The following ADGRG4 variants were observed in gnomAD, a reference collection of about 807,000 sequenced individuals.
The protein encoded by ADGRG4 is G protein-coupled receptor 112.
ADGRG4 carries 122 observed loss-of-function variants against 126.2 expected under a neutral mutation model. That is an observed-to-expected ratio of 0.97 (90% CI 0.83 to 1.12). The LOEUF is 1.12. Ranked by LOEUF, ADGRG4 falls within the 50% of genes most tolerant of loss-of-function variation. The pLI is 0.00. For missense variants in ADGRG4, 2,481 were observed against 2,251.8 expected (o/e 1.10, Z -2.06); for synonymous variants, 943 against 838.7 (o/e 1.12, Z -2.15).
intron 15 of ADGRG4, among the ~76,000 whole-genome samples, chrX:136,383,813 C>CTTTCTTT (rs1382747820): frequency 1.7e-5 from 1 of 59,589 alleles, no homozygotes; most frequent in Non-Finnish European, 3.2e-5. Context: ...TATATATTTG[C>CTTTCTTT]CTTTCTTTCT....
rs1224604410 is a variant in ADGRG4 at position 136,347,245 on chromosome X, C to T, written c.3539C>T (p.Thr1180Ile). 5 of 1,209,416 alleles carry T rather than the reference C, an allele frequency of 4.1e-6. No homozygotes were observed. Among genetic ancestry groups the T allele is most frequent in the African/African-American group, 3.5e-5 (2 of 57,125 alleles). ...ATQPISQVEE[T>I]STYALSFPYT... ...CAACCAATATCTCAAGTAGAGGAGA[C>T]TTCTACCTATGCTCTCAGCTTCCCA... Residue 1180 changes from threonine (T) to isoleucine (I), a missense_variant, in exon 6 of 26, where the codon ACT becomes ATT. Physicochemically the swap from Thr to Ile is moderately conservative, Grantham distance 89. Coordinates refer to ENST00000394143, the MANE Select transcript of ADGRG4 (RefSeq NM_153834.4).
Position 136,348,986 on chromosome X carries a change from T to C in ADGRG4, c.5280T>C (p.His1760=). ...CACCTACTCATGCAGATAGTCTCCA[T>C]ACTTCCTTCAATATTCAGGTTTCCC... is the stretch of plus-strand genomic sequence containing the variant. The part of the protein sequence containing the change: ...MLSPTHADSL[H]TSFNIQVSPS... Residue 1760 remains histidine (H), a synonymous_variant, in exon 6 of 26, where the codon CAT becomes CAC. Transcript: ENST00000394143. 1 of 1,208,995 alleles carries C rather than the reference T, an allele frequency of 8.3e-7. No homozygotes were observed. Among genetic ancestry groups the C allele is most frequent in the Non-Finnish European group, 1.1e-6 (1 of 893,272 alleles).
At chrX:136,403,607 T>C (rs188480680) in intron 22 of ADGRG4, among the ~76,000 whole-genome samples, 1 of 112,348 alleles carries the variant, frequency 8.9e-6, no homozygotes, top group African/African-American at 3.2e-5. Flanking sequence ...ATATGATGTA[T>C]GAAATGTGCT....
At chrX:136,320,915 C>A (rs768072247) in intron 4 of ADGRG4, among the ~76,000 whole-genome samples, 1 of 110,656 alleles carries the variant, frequency 9.0e-6, no homozygotes, top group Non-Finnish European at 1.9e-5. Context: ...TGAGACCCCC[C>A]CTCTTAAAAC....
rs769196157 is a variant in ADGRG4, at chrX:136,323,347, C to T, written c.640C>T (p.Leu214Phe). 3 of 1,209,672 alleles carry T rather than the reference C, an allele frequency of 2.5e-6. No individual in the cohort carries two copies. In the East Asian group the frequency reaches 8.9e-5, roughly 36 times the overall value. Reference protein sequence around the residue: ...NIVSWEEDVWLVNKIIPTVDR... With the variant: ...NIVSWEEDVWFVNKIIPTVDR... The stretch of plus-strand genomic sequence containing the variant: ...AGTTAGTTGGGAAGAAGACGTCTGG[C>T]TTGTCAACAAGATCATCCCAACTGT... The change falls in exon 5 of 26, where the codon CTT becomes TTT. Residue 214 changes from leucine to phenylalanine, a missense_variant. Coordinates refer to ENST00000394143, the MANE Select transcript of ADGRG4 (RefSeq NM_153834.4).
intron 13 of ADGRG4, among the ~76,000 whole-genome samples, chrX:136,371,103 G>A (rs898578546): frequency 8.9e-5 from 10 of 111,792 alleles, no homozygotes; most frequent in Non-Finnish European, 1.7e-4. Flanking sequence ...TTTGAAAAAG[G>A]ATTTAATGAA....
chrX:136,353,266 T>C lies in ADGRG4; in HGVS notation c.6823-71T>C, dbSNP rs2075073986. The C allele has an allele frequency of 1.5e-5, 10 of 684,671 alleles. No homozygotes were observed. The Admixed American group carries it at 2.3e-4, about 16-fold the overall frequency. The allele number at this position is 684,671 out of a possible 1,213,427, so 56.4% of individuals were successfully genotyped here. A position where few individuals can be genotyped will look rare whatever the true frequency, so the allele number is the denominator to read the frequency against. On this transcript the variant is annotated intron_variant, in intron 7 of 25. Coordinates refer to ENST00000394143, the MANE Select transcript of ADGRG4 (RefSeq NM_153834.4). Reference sequence around the variant, plus strand: ...TGAGTGCAGCTTAATGATCACACCATCCCAAGTGATTTTGCTGAGTTAAAC... The same window carrying C: ...TGAGTGCAGCTTAATGATCACACCACCCCAAGTGATTTTGCTGAGTTAAAC...
At chrX:136,326,080 A>T (rs759626060) in intron 5 of ADGRG4, among the ~76,000 whole-genome samples, 5 of 112,226 alleles carry the variant, frequency 4.5e-5, no homozygotes, top group African/African-American at 1.6e-4. Flanking sequence ...ATAATGCACA[A>T]TCTAACGTAA....
chrX:136,387,980 G>T, intron 16 of ADGRG4, 106 bp downstream of exon 16: 2 of 758,120 alleles, frequency 2.6e-6, no homozygotes, highest in Non-Finnish European at 1.9e-6. Context: ...AGAATATGCT[G>T]ATTGATTCCA....
At chrX:136,407,842 T>G (rs940891759) in intron 23 of ADGRG4, among the ~76,000 whole-genome samples, 1 of 111,772 alleles carries the variant, frequency 8.9e-6, no homozygotes, top group Non-Finnish European at 1.9e-5. Flanking sequence ...CTGGTGATGG[T>G]TCTACACTTT....
intron 5 of ADGRG4, among the ~76,000 whole-genome samples, chrX:136,331,473 C>CA (rs2074909599): frequency 8.9e-6 from 1 of 112,635 alleles, no homozygotes; most frequent in African/African-American, 3.2e-5. Context: ...TACAAACTGT[C>CA]AGACTGTTTT....
At chrX:136,380,509 A>C (rs1045341936) in intron 15 of ADGRG4, among the ~76,000 whole-genome samples, 1 of 107,682 alleles carries the variant, frequency 9.3e-6, no homozygotes, top group Non-Finnish European at 1.9e-5. Context: ...TCTTCTTTAC[A>C]TAGCTGCTGC....
chrX:136,393,891 A>G (rs2075333019), intron 18 of ADGRG4, among the ~76,000 whole-genome samples: 1 of 111,909 alleles, frequency 8.9e-6, no homozygotes, highest in Non-Finnish European at 1.9e-5. Flanking sequence ...TTAGGCCCCA[A>G]AAATAATTAT....
intron 10 of ADGRG4, among the ~76,000 whole-genome samples, chrX:136,358,403 G>A (rs778582689): frequency 1.8e-5 from 2 of 111,855 alleles, no homozygotes; most frequent in Non-Finnish European, 3.8e-5. Context: ...GATAAGTTTT[G>A]AGCAAGTACA....
rs138606204 is a variant in ADGRG4 at position 136,350,411 on chromosome X, G to T, written c.6705G>T (p.Ser2235=). The change falls in exon 6 of 26, where the codon TCG becomes TCT. Residue 2235 remains serine (S), a synonymous_variant. Transcript: ENST00000394143. The part of the protein sequence containing the change: ...PSFLSTEAST[S]PTATKSTVSF... ...TTCTATCTACGGAAGCATCGACTTC[G>T]CCTACTGCCACCAAGTCCACAGGTA... The T allele has an allele frequency of 5.8e-6, 7 of 1,204,161 alleles. No individual in the cohort carries two copies. The South Asian group carries it at 1.3e-4, about 22-fold the overall frequency.
Position 136,349,236 on chromosome X carries a change from GA to G in ADGRG4, c.5532del (p.Ala1845LeufsTer26). On this transcript the variant is annotated frameshift_variant, in exon 6 of 26. Coordinates refer to ENST00000394143, the MANE Select transcript of ADGRG4 (RefSeq NM_153834.4). LOFTEE classifies it high-confidence loss of function. ...TSFVYSPHSTEAEISTPKTSP... is the reference protein window; with the variant it reads ...TSFVYSPHSTXAEISTPKTSP... Reference sequence around the variant, plus strand: ...ATTTGTTTATTCACCTCATAGTACTGAAGCTGAGATCTCTACTCCAAAGACC... The same window carrying G: ...ATTTGTTTATTCACCTCATAGTACTGAGCTGAGATCTCTACTCCAAAGACC... 8.3e-7 allele frequency: 1 copy of G among 1,203,765 alleles called. No homozygotes were observed. The highest frequency in any genetic ancestry group is 1.1e-6 in the Non-Finnish European group (1 of 889,227).
Position 136,412,325 on chromosome X carries a change from T to A in ADGRG4, c.8996T>A (p.Ile2999Lys), listed in dbSNP as rs762113081. The A allele has an allele frequency of 5.8e-6, 7 of 1,201,371 alleles. No homozygotes were observed. The South Asian group carries it at 1.2e-4, about 21-fold the overall frequency. ...GAGAGTGTGCGGGAGCAGTGGCAGA[T>A]ACACCTCTGCTGTGGGTGGTTGCGA... ...MKESVREQWQ[I>K]HLCCGWLRLD... Residue 2999 changes from isoleucine (I) to lysine (K), a missense_variant, in exon 24 of 26, where the codon ATA becomes AAA. Transcript: ENST00000394143.
chrX:136,382,850 T>C (rs1300679072), intron 15 of ADGRG4, among the ~76,000 whole-genome samples: 2 of 110,362 alleles, frequency 1.8e-5, no homozygotes, highest in Non-Finnish European at 3.8e-5. Context: ...TTTAAGGAGA[T>C]CGATGTTGTG....
chrX:136,334,074 C>CTCTTTCTTTCTTTCTT (rs201233200), intron 5 of ADGRG4, among the ~76,000 whole-genome samples: 2 of 88,934 alleles, frequency 2.2e-5, no homozygotes, highest in Admixed American at 1.3e-4. Flanking sequence ...GAGGTTCTCT[C>CTCTTTCTTTCTTTCTT]TCTTTCTTTC....
Sources: allele counts gnomAD v4.1 joint callset (sites outside exome capture counted in the v4.1 genomes callset), GRCh38; gene constraint gnomAD v4.1.1; transcripts MANE v1.5; gene names NCBI Gene and HGNC (gene_info 2026-07-23, HGNC 2026-07-21).